Variants in IL22RA2 observed in about 807,000 individuals in gnomAD.
IL22RA2 encodes the protein interleukin-22 receptor subunit alpha-2.
IL22RA2 carries 39 observed loss-of-function variants against 30.7 expected under a neutral mutation model. That is an observed-to-expected ratio of 1.27 (90% CI 0.98 to 1.66). The LOEUF (loss-of-function observed/expected upper bound fraction) is 1.66. Ranked by LOEUF, IL22RA2 falls within the 40% of genes most tolerant of loss-of-function variation. The pLI is 0.00. For missense variants in IL22RA2, 315 were observed against 312.7 expected, an observed-to-expected ratio of 1.01 and a Z score of -0.05; for synonymous variants, 103 against 105.0, an observed-to-expected ratio of 0.98 and a Z score of 0.11.
intron 2 of IL22RA2, among the ~76,000 whole-genome samples, chr6:137,159,670 C>G (rs553306095): frequency 2.0e-5 from 3 of 152,132 alleles, no homozygotes; most frequent in Admixed American, 6.5e-5. Context: ...TCTGTCACCC[C>G]GACCCCTGTG....
chr6:137,145,714 G>C lies in IL22RA2; in HGVS notation c.702C>G (p.His234Gln). Residue 234 changes from histidine to glutamine, a missense_variant, in exon 7 of 7, where the codon CAC (histidine) becomes CAG (glutamine). Physicochemically the swap from His to Gln is conservative, Grantham distance 24. Coordinates refer to ENST00000296980, the MANE Select transcript of IL22RA2 (RefSeq NM_052962.3). ...TTTCAGCCACTACACAGTAGCTGGAGTGTGGTGTTAGAGCTTCAATTTCAA... is the reference window on the plus strand; with the variant it reads ...TTTCAGCCACTACACAGTAGCTGGACTGTGGTGTTAGAGCTTCAATTTCAA... ...RAVEIEALTPHSSYCVVAEIY... is the reference protein window; with the variant it reads ...RAVEIEALTPQSSYCVVAEIY... 1 of 1,613,574 alleles carries C rather than the reference G, an allele frequency of 6.2e-7. No individual in the cohort carries two copies. Among genetic ancestry groups the C allele is most frequent in the East Asian group, 2.2e-5 (1 of 44,854 alleles).
intron 2 of IL22RA2, among the ~76,000 whole-genome samples, chr6:137,159,055 A>G (rs941020715): frequency 1.3e-5 from 2 of 152,176 alleles, no homozygotes; most frequent in Non-Finnish European, 2.9e-5. Flanking sequence ...ATCCAAGCAT[A>G]ATCCCTCAGA....
At chr6:137,170,136 G>T (rs1479075017) in intron 1 of IL22RA2, among the ~76,000 whole-genome samples, 1 of 152,112 alleles carries the variant, frequency 6.6e-6, no homozygotes, top group African/African-American at 2.4e-5. Flanking sequence ...TCCGAATAAA[G>T]GCTCTGCAAA....
chr6:137,148,009 G>A (rs1183393694), intron 5 of IL22RA2, 118 bp from the exon 6 acceptor site: 2 of 868,196 alleles, frequency 2.3e-6, no homozygotes, highest in Non-Finnish European at 3.7e-6. Flanking sequence ...GGGAGGCCGA[G>A]GCTGCAGTGA....
At chr6:137,168,408 A>G (rs1778663007) in intron 1 of IL22RA2, among the ~76,000 whole-genome samples, 1 of 152,216 alleles carries the variant, frequency 6.6e-6, no homozygotes, top group Admixed American at 6.5e-5. Context: ...ACTTGTAAAC[A>G]AAACGCAAGT....
rs183456426 is a variant in IL22RA2 at position 137,161,618 on chromosome 6, A to G, written c.61+71T>C. 9 of 1,326,424 alleles carry G rather than the reference A, an allele frequency of 6.8e-6. No individual in the cohort carries two copies. The East Asian group carries it at 1.9e-4, about 28-fold the overall frequency. The allele number at this position is 1,326,424 out of a possible 1,614,324, so 82.2% of individuals were successfully genotyped here. On this transcript the variant is annotated intron_variant, in intron 2 of 6. Coordinates refer to ENST00000296980, the MANE Select transcript of IL22RA2 (RefSeq NM_052962.3). ...TAAAGTTCAAAAAAGCACCAGTGCC[A>G]TTTCCAACAGATCCTTGATTGGACT...
chr6:137,171,855 C>T (rs1032434583), intron 1 of IL22RA2, among the ~76,000 whole-genome samples: 2 of 152,214 alleles, frequency 1.3e-5, no homozygotes, highest in Admixed American at 6.5e-5. Flanking sequence ...TGGATAACAT[C>T]AGGTTTCCCA....
At chr6:137,160,681 A>T (rs1009167060) in intron 2 of IL22RA2, among the ~76,000 whole-genome samples, 1 of 152,212 alleles carries the variant, frequency 6.6e-6, no homozygotes, top group Non-Finnish European at 1.5e-5. Context: ...TTTACAACTT[A>T]CTTAATTCCC....
intron 5 of IL22RA2, among the ~76,000 whole-genome samples, chr6:137,150,273 T>C (rs1310459558): frequency 6.6e-6 from 1 of 152,078 alleles, no homozygotes; most frequent in East Asian, 1.9e-4. Flanking sequence ...TTTTGAAATA[T>C]GTTCTTCAGA....
intron 1 of IL22RA2, among the ~76,000 whole-genome samples, chr6:137,164,629 G>A (rs1778591064): frequency 6.6e-6 from 1 of 152,172 alleles, no homozygotes; most frequent in Admixed American, 6.5e-5. Flanking sequence ...GACTCAGAAG[G>A]AAGCACCCCT....
intron 5 of IL22RA2, among the ~76,000 whole-genome samples, chr6:137,150,476 T>A (rs1025860678): frequency 5.9e-4 from 88 of 148,122 alleles, no homozygotes; most frequent in Non-Finnish European, 1.2e-3. Context: ...TCTTTTCTTT[T>A]CTGATTTTTT....
chr6:137,156,326 C>A (rs1454685623), intron 4 of IL22RA2, among the ~76,000 whole-genome samples: 2 of 152,194 alleles, frequency 1.3e-5, no homozygotes, highest in Non-Finnish European at 2.9e-5. Context: ...TGAAATCTAG[C>A]TTTCTAGACA....
At chr6:137,156,645 G>C in intron 4 of IL22RA2, 114 bp downstream of exon 4, 1 of 1,393,702 alleles carries the variant, frequency 7.2e-7, no homozygotes, top group South Asian at 1.4e-5. Flanking sequence ...ATCCCTTAGA[G>C]ACAGGAATGG....
chr6:137,144,242 C>T lies in IL22RA2; in HGVS notation c.*1382G>A, dbSNP rs1162242369. ...GCGTCTATGCTCAAATCAATGTTTT[C>T]TGAGCATACAGGGAAGCAAGGAAAC... On this transcript the variant is annotated 3_prime_UTR_variant, in exon 7 of 7. Transcript: ENST00000296980. The T allele has an allele frequency of 6.6e-6, 1 of 152,098 alleles. No homozygotes were observed. Among genetic ancestry groups the T allele is most frequent in the African/African-American group, 2.4e-5 (1 of 41,400 alleles). 9.4% of individuals were successfully genotyped at this position (152,098 alleles called of 1,614,324 possible). A position where few individuals can be genotyped will look rare whatever the true frequency, so the allele number is the denominator to read the frequency against.
At position 137,143,852 on chromosome 6, in the gene IL22RA2, G is replaced by A. The variant is rs1778121731; in HGVS notation, c.*1772C>T. The A allele has an allele frequency of 6.6e-6, 1 of 152,174 alleles. No homozygotes were observed. The highest frequency in any genetic ancestry group is 2.1e-4 in the South Asian group (1 of 4,830). The allele number at this position is 152,174 out of a possible 1,614,324, so 9.4% of individuals were successfully genotyped here. ...AAAAAAGGATTTATTGAAATCATGT[G>A]ACAATATATCCCTAACACCATGAAG... is the stretch of plus-strand genomic sequence containing the variant. On this transcript the variant is annotated 3_prime_UTR_variant, in exon 7 of 7. Coordinates refer to ENST00000296980, the MANE Select transcript of IL22RA2 (RefSeq NM_052962.3).
At position 137,160,567 on chromosome 6, in the gene IL22RA2, C is replaced by T. The variant is rs1321765609; in HGVS notation, c.61+1122G>A. Among the ~76,000 whole-genome samples the T allele has an allele frequency of 9.2e-5, 14 of 152,310 alleles. No individual in the cohort carries two copies. In the South Asian group the frequency reaches 2.9e-3, roughly 32 times the overall value. On this transcript the variant is annotated intron_variant, in intron 2 of 6. Coordinates refer to ENST00000296980, the MANE Select transcript of IL22RA2 (RefSeq NM_052962.3). The stretch of plus-strand genomic sequence containing the variant: ...AGACCAATTAGAAGCTGAGGCTATA[C>T]TTTATCTTCTTCCTTCTTCCCTCCT...
intron 4 of IL22RA2, among the ~76,000 whole-genome samples, chr6:137,155,739 A>G (rs572963179): frequency 3.9e-4 from 59 of 152,278 alleles, no homozygotes; most frequent in African/African-American, 1.2e-3. Context: ...AAACCACAGC[A>G]TTACCTAAAG....
intron 3 of IL22RA2, 91 bp from the exon 4 acceptor site, chr6:137,156,945 T>C (rs755737500): frequency 1.2e-5 from 19 of 1,527,304 alleles, no homozygotes; most frequent in Non-Finnish European, 1.7e-5. Context: ...CATAGAAACA[T>C]TTCCATGACA....
rs962608147 is a variant in IL22RA2 at position 137,147,023 on chromosome 6, C to T, written c.642+699G>A. ...AAAAAAAATCGCAGCAAAACTGGCA[C>T]AAAAATAATCATGTGATTCAAAAGC... is the stretch of plus-strand genomic sequence containing the variant. On this transcript the variant is annotated intron_variant, in intron 6 of 6. Coordinates refer to ENST00000296980, the MANE Select transcript of IL22RA2 (RefSeq NM_052962.3). Among the ~76,000 whole-genome samples the T allele has an allele frequency of 4.0e-5, 6 of 148,842 alleles. No homozygotes were observed. The South Asian group carries it at 6.4e-4, about 16-fold the overall frequency.
Sources: allele counts gnomAD v4.1 joint callset (sites outside exome capture counted in the v4.1 genomes callset), GRCh38; gene constraint gnomAD v4.1.1; transcripts MANE v1.5; gene names NCBI Gene and HGNC (gene_info 2026-07-23, HGNC 2026-07-21).